Variants in CSE1L observed in about 807,000 individuals in gnomAD.
CSE1L encodes the protein exportin-2.
A neutral mutation model predicts 120.4 loss-of-function variants in CSE1L; 24 were observed. The observed-to-expected ratio is 0.20, with a 90% CI of 0.14 to 0.28. The LOEUF (loss-of-function observed/expected upper bound fraction) is 0.28. CSE1L is among the 10% of genes least tolerant of loss of function. CSE1L has a pLI of 1.00. For synonymous variants in CSE1L, 402 were observed against 398.3 expected (o/e 1.01, Z -0.11); for missense variants, 830 against 1,145.2 (o/e 0.72, Z 3.97).
intron 1 of CSE1L, among the ~76,000 whole-genome samples, chr20:49,046,756 C>T (rs1302410640): frequency 1.3e-5 from 2 of 152,240 alleles, no homozygotes; most frequent in Non-Finnish European, 1.5e-5. Flanking sequence ...TTGGCTGCGC[C>T]GCCGCCTCTC....
At chr20:49,084,625 T>C (rs2092038995) in intron 15 of CSE1L, among the ~76,000 whole-genome samples, 1 of 152,184 alleles carries the variant, frequency 6.6e-6, no homozygotes, top group Non-Finnish European at 1.5e-5. Context: ...AGGTCACTTA[T>C]TTCTGAGATA....
chr20:49,094,645 G>A, intron 23 of CSE1L, 87 bp from the exon 24 acceptor site: 1 of 870,144 alleles, frequency 1.1e-6, no homozygotes, highest in South Asian at 1.6e-5. Flanking sequence ...CTATGAGTCT[G>A]TAATTTTGTG....
In CSE1L at chr20:49,066,116, G is replaced by T. The variant is rs935683526; in HGVS notation, c.229-76G>T. On this transcript the variant is annotated intron_variant, in intron 3 of 24. Transcript: ENST00000262982. ...TAGAAAATTAGTAAATAAAAAAACA[G>T]TTATGTTTTACCTAAAATCATGTGG... 20 of 1,230,390 alleles carry T rather than the reference G, an allele frequency of 1.6e-5. No individual in the cohort carries two copies. The Middle Eastern group carries it at 1.7e-3, about 106-fold the overall frequency. The allele number at this position is 1,230,390 out of a possible 1,614,324, so 76.2% of individuals were successfully genotyped here.
intron 1 of CSE1L, among the ~76,000 whole-genome samples, chr20:49,053,147 CTTTTTTTTTTT>C (rs71184250): frequency 2.2e-4 from 27 of 122,702 alleles, no homozygotes; most frequent in Admixed American, 2.5e-4. Flanking sequence ...CCCTGTCTCT[CTTTTTTTTTTT>C]TTTTTTTTTT....
chr20:49,091,981 A>G, intron 21 of CSE1L, 65 bp from the exon 22 acceptor site: 1 of 842,542 alleles, frequency 1.2e-6, no homozygotes, highest in South Asian at 1.5e-5. Context: ...TATTTTGCAG[A>G]CTTATCAGTT....
intron 11 of CSE1L, 82 bp from the exon 12 acceptor site, chr20:49,075,236 G>T: frequency 8.8e-7 from 1 of 1,139,502 alleles, no homozygotes; most frequent in Non-Finnish European, 1.3e-6. Context: ...ATTATTCCAG[G>T]CAATTTGTTT....
At chr20:49,066,635 G>A in intron 5 of CSE1L, 125 bp downstream of exon 5, 2 of 845,208 alleles carry the variant, frequency 2.4e-6, no homozygotes, top group Non-Finnish European at 3.6e-6. Flanking sequence ...GAGAGCAGAA[G>A]TTTCTGTATT....
intron 16 of CSE1L, 118 bp from the exon 17 acceptor site, chr20:49,087,891 T>G: frequency 3.3e-6 from 2 of 614,246 alleles, no homozygotes; most frequent in Non-Finnish European, 5.5e-6. Context: ...TATCTCGGGG[T>G]TGTCTAAGCA....
rs1227083924 is a variant in CSE1L, at chr20:49,088,061, T to C, written c.1776T>C (p.Pro592=). Residue 592 remains proline (P), a synonymous_variant, in exon 17 of 25, where the codon CCT becomes CCC. Coordinates refer to ENST00000262982, the MANE Select transcript of CSE1L (RefSeq NM_001316.4). The stretch of plus-strand genomic sequence containing the variant: ...AAGAAGCCATAATCCCCTACATCCC[T>C]ACTCTCATCACTCAGCTTACACAGA... ...LLQEAIIPYI[P]TLITQLTQKL... The C allele has an allele frequency of 3.7e-6, 6 of 1,609,382 alleles. No homozygotes were observed. Among genetic ancestry groups the C allele is most frequent in the Non-Finnish European group, 5.1e-6 (6 of 1,177,282 alleles).
At position 49,094,240 on chromosome 20, in the gene CSE1L, C is replaced by T. The variant is rs2092123009; in HGVS notation, c.2548C>T (p.Leu850=). The T allele has an allele frequency of 3.7e-6, 6 of 1,612,974 alleles. No individual in the cohort carries two copies. In the South Asian group the frequency reaches 6.6e-5, roughly 18 times the overall value. The part of the protein sequence containing the change: ...KICAVGITKL[L]TECPPMMDTE... ...CTGTGCGGTTGGCATAACCAAATTA[C>T]TAACAGAATGTCCCCCAATGATGGA... is the stretch of plus-strand genomic sequence containing the variant. Residue 850 remains leucine, a synonymous_variant, in exon 23 of 25, where the codon CTA becomes TTA. Transcript: ENST00000262982.
Position 49,096,329 on chromosome 20 carries a change from G to A in CSE1L, c.2827-20G>A, listed in dbSNP as rs1452191907. 1.9e-6 allele frequency: 3 copies of A among 1,596,508 alleles called. No homozygotes were observed. The highest frequency in any genetic ancestry group is 1.7e-6 in the Non-Finnish European group (2 of 1,164,112). ...CACCAAGATCTCCAACAGCCAGTGT[G>A]TGTTTCCCATCTCTTGTAGGTTCCA... is the stretch of plus-strand genomic sequence containing the variant. On this transcript the variant is annotated intron_variant, in intron 24 of 24. Coordinates refer to ENST00000262982, the MANE Select transcript of CSE1L (RefSeq NM_001316.4).
chr20:49,083,209 A>G lies in CSE1L; in HGVS notation c.1483-817A>G, dbSNP rs150977418. On this transcript the variant is annotated intron_variant, in intron 14 of 24. Transcript: ENST00000262982. The stretch of plus-strand genomic sequence containing the variant: ...CTGGCTAATTTTTTGTATTTTTAGT[A>G]GAGGTTTCACCATGTTAGCCAGGAT... Among the ~76,000 whole-genome samples, 194 of 151,728 alleles carry G rather than the reference A, an allele frequency of 1.3e-3. 2 individuals are homozygous for G. The Middle Eastern group carries it at 0.017, about 13-fold the overall frequency.
intron 3 of CSE1L, among the ~76,000 whole-genome samples, chr20:49,065,312 A>ATTTTTTTTTTTTTT (rs1568769017): frequency 1.3e-5 from 1 of 79,418 alleles, no homozygotes; most frequent in Admixed American, 1.5e-4. Context: ...ATGAAAAAAA[A>ATTTTTTTTTTTTTT]ATTTTTTTTT....
At chr20:49,046,845 A>G (rs3091427) in intron 1 of CSE1L, among the ~76,000 whole-genome samples, 103,938 of 152,214 alleles carry the variant, frequency 0.68, 36,886 homozygotes, top group African/African-American at 0.9. Context: ...GCGCGAGCTG[A>G]GTGTGCGGCG....
rs780253508 is a variant in CSE1L at position 49,072,301 on chromosome 20, GGCT to G, written c.785_787del (p.Gly262_Leu263delinsVal). 33 of 1,613,822 alleles carry G rather than the reference GGCT, an allele frequency of 2.0e-5. No homozygotes were observed. Among genetic ancestry groups the G allele is most frequent in the Non-Finnish European group, 2.8e-5 (33 of 1,179,954 alleles). ...TTTATGTGAGGATGAAGAGGAAGCC[GGCT>G]TATTGGAGCTCTTAAAATCCCAGAT... On this transcript the variant is annotated inframe_deletion, in exon 9 of 25. Coordinates refer to ENST00000262982, the MANE Select transcript of CSE1L (RefSeq NM_001316.4).
chr20:49,065,325 T>A (rs1415223723), intron 3 of CSE1L, among the ~76,000 whole-genome samples: 2 of 115,474 alleles, frequency 1.7e-5, no homozygotes, highest in Non-Finnish European at 3.7e-5. Flanking sequence ...TTTTTTTTTT[T>A]TTTTTTTTTT....
At chr20:49,081,357 C>T (rs2092011798) in intron 14 of CSE1L, among the ~76,000 whole-genome samples, 1 of 152,168 alleles carries the variant, frequency 6.6e-6, no homozygotes, top group South Asian at 2.1e-4. Context: ...GACCACAGCT[C>T]ACTGCAGCCT....
At chr20:49,078,476 T>G (rs1251922166) in intron 13 of CSE1L, 85 bp from the exon 14 acceptor site, 9 of 887,860 alleles carry the variant, frequency 1.0e-5, no homozygotes, top group Non-Finnish European at 1.4e-5. Context: ...ATTTTATCTT[T>G]TTTTATAACT....
rs142187945 is a variant in CSE1L, at chr20:49,075,360, G to T, written c.1175G>T (p.Gly392Val). 1.9e-6 allele frequency: 3 copies of T among 1,613,768 alleles called. No individual in the cohort carries two copies. Among genetic ancestry groups the T allele is most frequent in the African/African-American group, 2.7e-5 (2 of 74,832 alleles). Residue 392 changes from glycine to valine, a missense_variant, in exon 12 of 25, where the codon GGA becomes GTA. Physicochemically the swap from Gly to Val is moderately radical, Grantham distance 109. This residue lies in a region of CSE1L where 543 missense variants were observed against 640.2 expected (regional missense o/e 0.85). Transcript: ENST00000262982. ...AGGGCTGCTTGTGATCTGGTACGAGGATTATGCAAGTTTTTTGAGGGACCT... is the reference window on the plus strand; with the variant it reads ...AGGGCTGCTTGTGATCTGGTACGAGTATTATGCAAGTTTTTTGAGGGACCT... ...RRRAACDLVR[G>V]LCKFFEGPVT... is the part of the protein sequence containing the mutation.
Sources: allele counts gnomAD v4.1 joint callset (sites outside exome capture counted in the v4.1 genomes callset), GRCh38; gene constraint gnomAD v4.1.1; regional missense constraint gnomAD v4.1.1; transcripts MANE v1.5; gene names NCBI Gene and HGNC (gene_info 2026-07-23, HGNC 2026-07-21).